POFUT2: variants seen among roughly 807,000 people sequenced by gnomAD.
The protein encoded by POFUT2 is protein O-fucosyltransferase 2, also known as GDP-fucose protein O-fucosyltransferase 2.
In POFUT2, 30 loss-of-function variants were observed where a neutral mutation model predicts 55.0. The observed-to-expected ratio is 0.55, with a 90% confidence interval of 0.41 to 0.74. The LOEUF (loss-of-function observed/expected upper bound fraction) is 0.74. Among genes scored for constraint, POFUT2 ranks in the 30% least tolerant of loss-of-function variants. The pLI, the probability that POFUT2 is intolerant of heterozygous loss-of-function variation, is 0.00. For synonymous variants in POFUT2, 267 were observed against 231.1 expected (o/e 1.16, Z -1.41); for missense variants, 524 against 562.6 (o/e 0.93, Z 0.69).
chr21:45,282,122 G>T lies in POFUT2; in HGVS notation c.638+227C>A, dbSNP rs1367734034. On this transcript the variant is annotated intron_variant, in intron 4 of 8. Coordinates refer to ENST00000349485, the MANE Select transcript of POFUT2 (RefSeq NM_133635.6). The surrounding 1 kb of genome is among the most constrained non-coding windows in gnomAD (Gnocchi z 4.6). ...CTGGCCGGGCCGAGCCCTCACCTCTGTGCCCCTCACCCGCTGTCCACGTCA... is the reference window on the plus strand; with the variant it reads ...CTGGCCGGGCCGAGCCCTCACCTCTTTGCCCCTCACCCGCTGTCCACGTCA... 6.6e-6 allele frequency among the ~76,000 whole-genome samples: 1 copy of T among 151,984 alleles called. No homozygotes were observed. The highest frequency in any genetic ancestry group is 2.4e-5 in the African/African-American group (1 of 41,366).
Position 45,265,793 on chromosome 21 carries a change from C to T in POFUT2, c.1137-158G>A. On this transcript the variant is annotated intron_variant, in intron 8 of 8. Transcript: ENST00000349485. This position sits in a 1 kb window ranked among gnomAD's most constrained non-coding sequence, Gnocchi z 4.6. ...CGAGCACCCACCAGCCGGCCGCCCCCTTGCTGGCACCCCTCGCTCAGGTGC... is the reference window on the plus strand; with the variant it reads ...CGAGCACCCACCAGCCGGCCGCCCCTTTGCTGGCACCCCTCGCTCAGGTGC... 1 of 1,427,862 alleles carries T rather than the reference C, an allele frequency of 7.0e-7. No individual in the cohort carries two copies. The highest frequency in any genetic ancestry group is 9.1e-7 in the Non-Finnish European group (1 of 1,094,660). The allele number at this position is 1,427,862 out of a possible 1,614,324, so 88.4% of individuals were successfully genotyped here.
chr21:45,278,332 G>A (rs926327611), intron 4 of POFUT2, among the ~76,000 whole-genome samples, 163 bp from the exon 5 acceptor site: 1 of 152,242 alleles, frequency 6.6e-6, no homozygotes. Context: ...TGAGACACAG[G>A]CAGGCTGCTG....
At chr21:45,278,644 GGCATTCTTTCCACA>G (rs1236389753) in intron 4 of POFUT2, among the ~76,000 whole-genome samples, 1 of 152,236 alleles carries the variant, frequency 6.6e-6, no homozygotes, top group Non-Finnish European at 1.5e-5. Flanking sequence ...TTCCTGGGCA[GGCATTCTTTCCACA>G]GCGTCTCGTC....
intron 7 of POFUT2, among the ~76,000 whole-genome samples, chr21:45,268,618 A>C (rs2093181111): frequency 6.8e-6 from 1 of 146,574 alleles, no homozygotes; most frequent in African/African-American, 2.6e-5. Context: ...AGATGTGGGG[A>C]GCGCCTCTGC....
chr21:45,265,982 C>G lies in POFUT2; in HGVS notation c.1137-347G>C. 1 of 1,226,082 alleles carries G rather than the reference C, an allele frequency of 8.2e-7. No homozygotes were observed. The highest frequency in any genetic ancestry group is 4.9e-5 in the East Asian group (1 of 20,234). The allele number at this position is 1,226,082 out of a possible 1,614,324, so 76.0% of individuals were successfully genotyped here. Reference sequence around the variant, plus strand: ...CACGCCAGTGCAGGTCGAATACCTCCTGGGGGTCACATGGTGAACAATGAG... The same window carrying G: ...CACGCCAGTGCAGGTCGAATACCTCGTGGGGGTCACATGGTGAACAATGAG... On this transcript the variant is annotated intron_variant, in intron 8 of 8. Transcript: ENST00000349485. The surrounding 1 kb of genome is among the most constrained non-coding windows in gnomAD (Gnocchi z 4.6).
chr21:45,266,493 C>G, intron 8 of POFUT2: 1 of 1,103,644 alleles, frequency 9.1e-7, no homozygotes, highest in Non-Finnish European at 1.1e-6. Flanking sequence ...CGAAGCCTCC[C>G]CACAGCAGGC....
In POFUT2 at chr21:45,285,279, G is replaced by T. The variant is rs1389839191; in HGVS notation, c.382+399C>A. ...TTAAACGAGACAGACCTTTATCCCT[G>T]GCGCTGCACTGAGACACCACGAAGC... On this transcript the variant is annotated intron_variant, in intron 2 of 8. Transcript: ENST00000349485. This position sits in a 1 kb window ranked among gnomAD's most constrained non-coding sequence, Gnocchi z 4.9. The T allele has an allele frequency of 7.6e-6, 2 of 263,954 alleles. No homozygotes were observed. The highest frequency in any genetic ancestry group is 1.5e-5 in the Non-Finnish European group (2 of 132,224). 16.4% of individuals were successfully genotyped at this position (263,954 alleles called of 1,614,324 possible).
At position 45,277,205 on chromosome 21, in the gene POFUT2, G is replaced by A. The variant is rs995902241; in HGVS notation, c.706-63C>T. 28 of 1,578,574 alleles carry A rather than the reference G, an allele frequency of 1.8e-5. No individual in the cohort carries two copies. The highest frequency in any genetic ancestry group is 2.2e-5 in the Non-Finnish European group (26 of 1,165,170). ...GCCCGCCACGCAGCCCTCCCGGAGCGGGTTCTCCTGTCGCTGCCACCACCC... is the reference window on the plus strand; with the variant it reads ...GCCCGCCACGCAGCCCTCCCGGAGCAGGTTCTCCTGTCGCTGCCACCACCC... On this transcript the variant is annotated intron_variant, in intron 5 of 8. Transcript: ENST00000349485. This position sits in a 1 kb window ranked among gnomAD's most constrained non-coding sequence, Gnocchi z 6.9.
In POFUT2 at chr21:45,265,289, AGCC is replaced by A; in HGVS notation, c.*190_*192del. 2.3e-6 allele frequency: 1 copy of A among 438,600 alleles called. No homozygotes were observed. The allele number at this position is 438,600 out of a possible 1,614,324, so 27.2% of individuals were successfully genotyped here. A position where few individuals can be genotyped will look rare whatever the true frequency, so the allele number is the denominator to read the frequency against. ...CCGAGAGCAGCGGAGCCTCTTCATC[AGCC>A]ATGGCGGCTGGCAACGCCGAGGACG... On this transcript the variant is annotated 3_prime_UTR_variant, in exon 9 of 9. Coordinates refer to ENST00000349485, the MANE Select transcript of POFUT2 (RefSeq NM_133635.6). This position sits in a 1 kb window ranked among gnomAD's most constrained non-coding sequence, Gnocchi z 4.6.
At chr21:45,278,275 C>G (rs887375974) in intron 4 of POFUT2, 106 bp from the exon 5 acceptor site, 1 of 989,202 alleles carries the variant, frequency 1.0e-6, no homozygotes, top group East Asian at 2.4e-5. Flanking sequence ...GAAGCAGAGA[C>G]CAAGTCTCCG....
In POFUT2 at chr21:45,282,691, G is replaced by A; in HGVS notation, c.528-232C>T. On this transcript the variant is annotated intron_variant, in intron 3 of 8. Transcript: ENST00000349485. The surrounding 1 kb of genome is among the most constrained non-coding windows in gnomAD (Gnocchi z 4.6). ...GAGGCTTTCCCCATGATAGGGGCTG[G>A]CGGGATGGCCGGGGAGGCAGAGGGA... 20 of 569,060 alleles carry A rather than the reference G, an allele frequency of 3.5e-5. No homozygotes were observed. Among genetic ancestry groups the A allele is most frequent in the South Asian group, 3.5e-4 (20 of 57,306 alleles). 35.3% of individuals were successfully genotyped at this position (569,060 alleles called of 1,614,324 possible). A position where few individuals can be genotyped will look rare whatever the true frequency, so the allele number is the denominator to read the frequency against.
chr21:45,279,183 A>C (rs141775504), intron 4 of POFUT2, among the ~76,000 whole-genome samples: 18,623 of 152,084 alleles, frequency 0.12, 1,548 homozygotes, highest in African/African-American at 0.24. Flanking sequence ...CGAGGTCAGG[A>C]GATCGAGACC....
chr21:45,279,581 C>A lies in POFUT2; in HGVS notation c.639-1412G>T, dbSNP rs150380323. On this transcript the variant is annotated intron_variant, in intron 4 of 8. Coordinates refer to ENST00000349485, the MANE Select transcript of POFUT2 (RefSeq NM_133635.6). Reference sequence around the variant, plus strand: ...TCCACATTTTGCTACTGGATCCACACAGATGGAAGCTCTCGGCCCTCGTGG... The same window carrying A: ...TCCACATTTTGCTACTGGATCCACAAAGATGGAAGCTCTCGGCCCTCGTGG... 4.1e-3 allele frequency among the ~76,000 whole-genome samples: 626 copies of A among 152,318 alleles called. 3 individuals are homozygous for A. The highest frequency in any genetic ancestry group is 0.014 in the African/African-American group (574 of 41,568).
chr21:45,278,228 A>C (rs182027359), intron 4 of POFUT2, 59 bp from the exon 5 acceptor site: 20 of 1,414,640 alleles, frequency 1.4e-5, no homozygotes, highest in Non-Finnish European at 2.0e-5. Flanking sequence ...TGACATTCAC[A>C]CTCTCAGAGC....
intron 1 of POFUT2, 144 bp from the exon 2 acceptor site, chr21:45,286,072 T>TTG: frequency 4.4e-6 from 3 of 678,528 alleles, no homozygotes; most frequent in Non-Finnish European, 7.5e-6. Context: ...AGTGGCCTGT[T>TTG]TCTCTATGAC....
In POFUT2 at chr21:45,265,418, C is replaced by A; in HGVS notation, c.*64G>T. On this transcript the variant is annotated 3_prime_UTR_variant, in exon 9 of 9. Transcript: ENST00000349485. The surrounding 1 kb of genome is among the most constrained non-coding windows in gnomAD (Gnocchi z 4.6). The stretch of plus-strand genomic sequence containing the variant: ...CGGCTGGCAGTAGACGGTGACTCCA[C>A]GGCGACAGAACCTGCATCCACCCGC... The A allele has an allele frequency of 1.4e-6, 2 of 1,452,944 alleles. No individual in the cohort carries two copies. The highest frequency in any genetic ancestry group is 1.9e-6 in the Non-Finnish European group (2 of 1,064,120). The allele number at this position is 1,452,944 out of a possible 1,614,324, so 90.0% of individuals were successfully genotyped here. A position where few individuals can be genotyped will look rare whatever the true frequency, so the allele number is the denominator to read the frequency against.
At position 45,265,822 on chromosome 21, in the gene POFUT2, C is replaced by A; in HGVS notation, c.1137-187G>T. ...CTGGCACCCCTCGCTCAGGTGCCCTCGACATCGGCGCCCTGAGGGGCTCTG... is the reference window on the plus strand; with the variant it reads ...CTGGCACCCCTCGCTCAGGTGCCCTAGACATCGGCGCCCTGAGGGGCTCTG... On this transcript the variant is annotated intron_variant, in intron 8 of 8. Coordinates refer to ENST00000349485, the MANE Select transcript of POFUT2 (RefSeq NM_133635.6). The surrounding 1 kb of genome is among the most constrained non-coding windows in gnomAD (Gnocchi z 4.6). 7.1e-7 allele frequency: 1 copy of A among 1,407,214 alleles called. No individual in the cohort carries two copies. The highest frequency in any genetic ancestry group is 9.2e-7 in the Non-Finnish European group (1 of 1,082,102). 87.2% of individuals were successfully genotyped at this position (1,407,214 alleles called of 1,614,324 possible). A position where few individuals can be genotyped will look rare whatever the true frequency, so the allele number is the denominator to read the frequency against.
intron 1 of POFUT2, 50 bp downstream of exon 1, chr21:45,287,691 C>A: frequency 8.6e-7 from 1 of 1,168,232 alleles, no homozygotes; most frequent in Non-Finnish European, 1.1e-6. Flanking sequence ...CATCCTCTGA[C>A]CCTGCCCGGT....
At position 45,283,447 on chromosome 21, in the gene POFUT2, T is replaced by C. The variant is rs1428294331; in HGVS notation, c.463A>G (p.Lys155Glu). The C allele has an allele frequency of 6.2e-6, 10 of 1,613,714 alleles. No homozygotes were observed. The highest frequency in any genetic ancestry group is 1.7e-5 in the Admixed American group (1 of 59,990). The part of the protein sequence containing the change: ...EGWKEGTWEE[K>E]VDERPCIDQL... ...TCAATACACGGCCGCTCGTCCACCT[T>C]CTCTTCCCAGGTCCCTTCTTTCCAC... The change falls in exon 3 of 9, where the codon AAG becomes GAG. Residue 155 changes from lysine to glutamate, a missense_variant. Transcript: ENST00000349485.
Sources: allele counts gnomAD v4.1 joint callset (sites outside exome capture counted in the v4.1 genomes callset), GRCh38; gene constraint gnomAD v4.1.1; non-coding constraint Gnocchi (gnomAD v3.1); transcripts MANE v1.5; gene names NCBI Gene and HGNC (gene_info 2026-07-23, HGNC 2026-07-21).